The following NALCN variants were observed in gnomAD, a reference collection of about 807,000 sequenced individuals.
NALCN encodes sodium leak channel, non-selective.
A neutral mutation model predicts 225.3 loss-of-function variants in NALCN; 111 were observed. That is an observed-to-expected ratio of 0.49 (90% CI 0.42 to 0.58). The LOEUF is 0.58. Ranked by LOEUF, NALCN falls within the 20% of genes least tolerant of loss-of-function variation. The probability of loss-of-function intolerance (pLI) is 0.00; values close to 1 mark genes in which losing one functional copy is unlikely to be tolerated. For missense variants in NALCN, 1,378 were observed against 2,202.4 expected (o/e 0.63, Z 7.49); for synonymous variants, 764 against 769.0 (o/e 0.99, Z 0.11).
intron 13 of NALCN, among the ~76,000 whole-genome samples, chr13:101,210,221 T>G (rs1189406183): frequency 6.6e-6 from 1 of 152,202 alleles, no homozygotes; most frequent in Non-Finnish European, 1.5e-5. Flanking sequence ...GCCAGATGCA[T>G]GCTCACACAC....
rs17581591 is a variant in NALCN, at chr13:101,083,004, C to A, written c.3690+88G>T. On this transcript the variant is annotated intron_variant, in intron 32 of 43. Transcript: ENST00000251127. ...TAATTTTTACACCCAAGAACATAACCGTGAATGCATATAGCAGCTTGTGAT... is the reference window on the plus strand; with the variant it reads ...TAATTTTTACACCCAAGAACATAACAGTGAATGCATATAGCAGCTTGTGAT... 8,709 of 1,540,122 alleles carry A rather than the reference C, an allele frequency of 5.7e-3. 138 individuals are homozygous for A. The highest frequency in any genetic ancestry group is 0.048 in the African/African-American group (3,547 of 73,446).
chr13:101,111,001 C>A, intron 19 of NALCN, 124 bp downstream of exon 19: 2 of 904,808 alleles, frequency 2.2e-6, no homozygotes, highest in South Asian at 3.5e-5. Context: ...GCAAATAGAA[C>A]GCGATTCCTC....
rs1351293296 is a variant in NALCN at position 101,089,155 on chromosome 13, C to A, written c.3489+508G>T. Among the ~76,000 whole-genome samples the A allele has an allele frequency of 6.6e-6, 1 of 152,130 alleles. No individual in the cohort carries two copies. ...TCAAGTGATCCACCCGCCTTGGCCT[C>A]CCAAAGTGCTGGGATTACAGGCGTG... On this transcript the variant is annotated intron_variant, in intron 30 of 43. Transcript: ENST00000251127. This position sits in a 1 kb window ranked among gnomAD's most constrained non-coding sequence, Gnocchi z 4.7.
chr13:101,358,977 T>C (rs2046144095), intron 6 of NALCN, among the ~76,000 whole-genome samples: 1 of 151,704 alleles, frequency 6.6e-6, no homozygotes, highest in Admixed American at 6.6e-5. Context: ...TTCTCACTCA[T>C]AAGTGGGAGT....
chr13:101,067,391 C>T (rs377299606), intron 39 of NALCN, among the ~76,000 whole-genome samples: 7 of 151,770 alleles, frequency 4.6e-5, no homozygotes, highest in African/African-American at 1.7e-4. Flanking sequence ...AGGTTGATGA[C>T]GACAATGACA....
In NALCN at chr13:101,340,358, T is replaced by C. The variant is rs549843908; in HGVS notation, c.799+4908A>G. ...GGAAAACCTGCATAGTTAATGTCTG[T>C]AAACAAAGGGAATCATATCAGATGC... On this transcript the variant is annotated intron_variant, in intron 7 of 43. Transcript: ENST00000251127. 1.2e-4 allele frequency among the ~76,000 whole-genome samples: 18 copies of C among 152,300 alleles called. 1 individual carries two copies. The South Asian group carries it at 3.7e-3, about 32-fold the overall frequency.
At chr13:101,232,013 T>A (rs980176725) in intron 12 of NALCN, among the ~76,000 whole-genome samples, 4 of 150,658 alleles carry the variant, frequency 2.7e-5, no homozygotes, top group Non-Finnish European at 5.9e-5. Flanking sequence ...TTTTTTTTTT[T>A]AATCCCCAAC....
intron 11 of NALCN, among the ~76,000 whole-genome samples, chr13:101,255,974 C>A (rs963809690): frequency 6.6e-5 from 10 of 152,176 alleles, no homozygotes; most frequent in African/African-American, 2.4e-4. Context: ...CAGTCACTCG[C>A]TCATTCCCCG....
chr13:101,083,873 G>C (rs1191833733), intron 30 of NALCN, 69 bp from the exon 31 acceptor site: 1 of 1,453,010 alleles, frequency 6.9e-7, no homozygotes, highest in Non-Finnish European at 9.5e-7. Context: ...TGGCAGATGG[G>C]GTGCCGAGAC....
At chr13:101,308,382 C>T (rs1023338323) in intron 7 of NALCN, among the ~76,000 whole-genome samples, 1 of 152,192 alleles carries the variant, frequency 6.6e-6, no homozygotes, top group African/African-American at 2.4e-5. Context: ...TTTTTCCCTT[C>T]CCTTCCACCA....
intron 15 of NALCN, among the ~76,000 whole-genome samples, chr13:101,165,597 G>A (rs755320137): frequency 1.6e-4 from 25 of 152,110 alleles, no homozygotes; most frequent in Admixed American, 3.9e-4. Context: ...GGCCACCTAC[G>A]TAGCTGTGAC....
chr13:101,213,740 T>C (rs886361047), intron 13 of NALCN, among the ~76,000 whole-genome samples: 2 of 152,078 alleles, frequency 1.3e-5, no homozygotes, highest in Non-Finnish European at 2.9e-5. Flanking sequence ...AAAACCACAA[T>C]GAGATGCCAT....
At chr13:101,396,097 A>G (rs1008087162) in intron 2 of NALCN, among the ~76,000 whole-genome samples, 4 of 152,182 alleles carry the variant, frequency 2.6e-5, no homozygotes, top group African/African-American at 9.6e-5. Flanking sequence ...AAATTCCACA[A>G]AATAACTTTC....
At chr13:101,356,051 A>G (rs1295158002) in intron 6 of NALCN, among the ~76,000 whole-genome samples, 1 of 152,154 alleles carries the variant, frequency 6.6e-6, no homozygotes, top group Non-Finnish European at 1.5e-5. Context: ...AAGCAGTGTT[A>G]AGAAGGAAAT....
Position 101,074,617 on chromosome 13 carries a change from T to C in NALCN, c.4000A>G (p.Lys1334Glu). 6.2e-7 allele frequency: 1 copy of C among 1,613,356 alleles called. No homozygotes were observed. The highest frequency in any genetic ancestry group is 8.5e-7 in the Non-Finnish European group (1 of 1,179,896). ...ATGCCTACTATGATAAAGAAGCTCTTGTACATGCTGACGACCACTGTCAAG... is the reference window on the plus strand; with the variant it reads ...ATGCCTACTATGATAAAGAAGCTCTCGTACATGCTGACGACCACTGTCAAG... The part of the protein sequence containing the change: ...LLLTVVVSMY[K>E]SFFIIVGMFL... Residue 1334 changes from lysine to glutamate, a missense_variant, in exon 36 of 44, where the codon AAG (lysine) becomes GAG (glutamate). Coordinates refer to ENST00000251127, the MANE Select transcript of NALCN (RefSeq NM_052867.4).
At position 101,400,580 on chromosome 13, in the gene NALCN, T is replaced by TGCGC. The variant is rs1555347166; in HGVS notation, c.-39-1416_-39-1415insGCGC. On this transcript the variant is annotated intron_variant, in intron 1 of 43. Transcript: ENST00000251127. ...GTGTGTGTGTGTGTGTGTGTGTGTGTGCACGTGTGTGCGCGCGCACACAGA... is the reference window on the plus strand; with the variant it reads ...GTGTGTGTGTGTGTGTGTGTGTGTGTGCGCGCACGTGTGTGCGCGCGCACACAGA... Among the ~76,000 whole-genome samples, 263 of 135,744 alleles carry TGCGC rather than the reference T, an allele frequency of 1.9e-3. 1 individual carries two copies. The highest frequency in any genetic ancestry group is 4.3e-3 in the South Asian group (19 of 4,390). 89.1% of individuals were successfully genotyped at this position (135,744 alleles called of 152,430 possible).
chr13:101,134,567 A>G (rs983054379), intron 17 of NALCN, among the ~76,000 whole-genome samples: 2 of 152,242 alleles, frequency 1.3e-5, no homozygotes, highest in Non-Finnish European at 1.5e-5. Flanking sequence ...TATATATTTT[A>G]ATGTAGTTAG....
intron 12 of NALCN, among the ~76,000 whole-genome samples, chr13:101,233,137 A>AT (rs749182993): frequency 6.6e-6 from 1 of 151,986 alleles, no homozygotes; most frequent in Non-Finnish European, 1.5e-5. Flanking sequence ...AAGATTTTTG[A>AT]TTTTGTGTTC....
chr13:101,058,185 A>G (rs1444133453), intron 42 of NALCN, 129 bp from the exon 43 acceptor site: 3 of 741,516 alleles, frequency 4.0e-6, no homozygotes, highest in Middle Eastern at 3.7e-4. Flanking sequence ...AGTGTCCACA[A>G]TGGGGAAAAG....
Sources: gnomAD v4.1 joint callset for allele counts (sites outside exome capture counted in the v4.1 genomes callset) on GRCh38, gnomAD v4.1.1 for gene constraint, Gnocchi (gnomAD v3.1) non-coding constraint, MANE v1.5 for transcripts, NCBI Gene and HGNC (gene_info 2026-07-23, HGNC 2026-07-21) for gene names.